PSD3: variants seen among roughly 807,000 people sequenced by gnomAD.
PSD3 encodes PH and SEC7 domain-containing protein 3.
A neutral mutation model predicts 105.5 loss-of-function variants in PSD3; 49 were observed. The ratio of observed to expected loss-of-function variants is 0.46; its 90% CI spans 0.37 to 0.59. The LOEUF (loss-of-function observed/expected upper bound fraction) is 0.59, where lower values mean the gene tolerates loss of function less well. PSD3 is among the 20% of genes least tolerant of loss of function. The probability of loss-of-function intolerance (pLI) is 0.00; values close to 1 mark genes in which losing one functional copy is unlikely to be tolerated. For missense variants in PSD3, 1,561 were observed against 1,263.8 expected, an observed-to-expected ratio of 1.24 and a Z score of -3.57; for synonymous variants, 557 against 457.8, an observed-to-expected ratio of 1.22 and a Z score of -2.77.
intron 2 of PSD3, among the ~76,000 whole-genome samples, chr8:18,916,183 T>C (rs569401526): frequency 1.9e-4 from 29 of 151,636 alleles, no homozygotes; most frequent in African/African-American, 6.3e-4. Context: ...GAAATGAAGT[T>C]AGCATGTCAA....
chr8:18,835,425 T>C (rs1208429141), intron 4 of PSD3, among the ~76,000 whole-genome samples: 2 of 152,238 alleles, frequency 1.3e-5, no homozygotes, highest in Admixed American at 6.5e-5. Flanking sequence ...GTCTTCCAAC[T>C]AGTATTTATT....
At chr8:19,062,487 T>C (rs1318266564) in intron 1 of PSD3, among the ~76,000 whole-genome samples, 2 of 152,050 alleles carry the variant, frequency 1.3e-5, no homozygotes, top group East Asian at 1.9e-4. Context: ...GACCACTGTT[T>C]CCCCAGTTAA....
intron 2 of PSD3, among the ~76,000 whole-genome samples, chr8:18,895,774 C>G (rs76385996): frequency 2.8e-3 from 428 of 152,262 alleles, no homozygotes; most frequent in African/African-American, 9.9e-3. Context: ...TATCTAACAC[C>G]TTAAACATTT....
At chr8:19,067,979 G>C (rs1475043881) in intron 1 of PSD3, among the ~76,000 whole-genome samples, 1 of 152,164 alleles carries the variant, frequency 6.6e-6, no homozygotes, top group African/African-American at 2.4e-5. Flanking sequence ...AGGCACATGG[G>C]AAGTGATTTC....
At chr8:18,692,350 G>C (rs78533752) in intron 9 of PSD3, among the ~76,000 whole-genome samples, 1 of 152,136 alleles carries the variant, frequency 6.6e-6, no homozygotes, top group East Asian at 1.9e-4. Flanking sequence ...AGAATCACAA[G>C]GTACTGCAGC....
chr8:18,678,328 T>C (rs909094371), intron 9 of PSD3, among the ~76,000 whole-genome samples: 1 of 152,216 alleles, frequency 6.6e-6, no homozygotes, highest in Non-Finnish European at 1.5e-5. Flanking sequence ...TCTGGCATTT[T>C]AAATTTTTAC....
chr8:18,623,517 G>A (rs1806273374), intron 11 of PSD3, among the ~76,000 whole-genome samples: 1 of 148,622 alleles, frequency 6.7e-6, no homozygotes, highest in Non-Finnish European at 1.5e-5. Context: ...GTATATGCCT[G>A]TAGTCCCAGC....
intron 9 of PSD3, among the ~76,000 whole-genome samples, chr8:18,718,145 G>A (rs755097458): frequency 2.6e-5 from 4 of 152,146 alleles, no homozygotes; most frequent in Non-Finnish European, 5.9e-5. Flanking sequence ...TGGAGCAGCT[G>A]CCACACCCCT....
At chr8:18,641,899 T>C (rs1052996029) in intron 10 of PSD3, among the ~76,000 whole-genome samples, 39 of 152,150 alleles carry the variant, frequency 2.6e-4, no homozygotes, top group Admixed American at 2.0e-3. Flanking sequence ...TCTTTGTCAC[T>C]TACCAAAAAT....
intron 9 of PSD3, among the ~76,000 whole-genome samples, chr8:18,680,355 G>T (rs1438877343): frequency 6.6e-6 from 1 of 152,124 alleles, no homozygotes; most frequent in Non-Finnish European, 1.5e-5. Flanking sequence ...TTCTAAATTA[G>T]AAATCAATTA....
chr8:19,030,196 C>T (rs334196), intron 1 of PSD3, among the ~76,000 whole-genome samples: 150,347 of 152,336 alleles, frequency 0.99, 74,226 homozygotes, highest in Middle Eastern at 1. Flanking sequence ...TTGAATTTTG[C>T]CAAATCCTGT....
intron 2 of PSD3, among the ~76,000 whole-genome samples, chr8:18,905,145 T>C (rs2129462029): frequency 6.6e-6 from 1 of 152,292 alleles, no homozygotes; most frequent in East Asian, 1.9e-4. Context: ...CTGTTAACCA[T>C]TACAAAAAGC....
intron 11 of PSD3, among the ~76,000 whole-genome samples, chr8:18,623,495 C>T (rs1806270797): frequency 7.0e-6 from 1 of 143,658 alleles, no homozygotes; most frequent in South Asian, 2.3e-4. Context: ...AAAAAATTAG[C>T]TGGGCATGGT....
intron 2 of PSD3, among the ~76,000 whole-genome samples, chr8:18,895,892 G>C (rs145081972): frequency 2.9e-4 from 44 of 152,248 alleles, no homozygotes; most frequent in Admixed American, 7.2e-4. Flanking sequence ...TAGAATACTA[G>C]AACTTATTCA....
intron 9 of PSD3, among the ~76,000 whole-genome samples, chr8:18,762,224 G>A (rs1194479971): frequency 6.6e-6 from 1 of 152,130 alleles, no homozygotes; most frequent in African/African-American, 2.4e-5. Flanking sequence ...TGACGAGTGA[G>A]CTCTCCTGAG....
At chr8:18,611,487 A>G (rs1181274329) in intron 11 of PSD3, among the ~76,000 whole-genome samples, 1 of 152,154 alleles carries the variant, frequency 6.6e-6, no homozygotes, top group Non-Finnish European at 1.5e-5. Context: ...GCTTCACCTG[A>G]GTGACCTTGG....
intron 1 of PSD3, among the ~76,000 whole-genome samples, chr8:18,962,164 C>T (rs959016102): frequency 6.6e-6 from 1 of 151,288 alleles, no homozygotes; most frequent in Non-Finnish European, 1.5e-5. Context: ...GAGAATCTCT[C>T]GAATCTGGGA....
intron 8 of PSD3, among the ~76,000 whole-genome samples, chr8:18,771,643 C>A (rs1028342286): frequency 1.3e-5 from 2 of 152,200 alleles, no homozygotes; most frequent in African/African-American, 4.8e-5. Flanking sequence ...TTGAAATCAA[C>A]AGACCATAAA....
chr8:18,528,842 T>C lies in PSD3; in HGVS notation c.*6901A>G, dbSNP rs1799527346. On this transcript the variant is annotated 3_prime_UTR_variant, in exon 16 of 16. Transcript: ENST00000327040. The stretch of plus-strand genomic sequence containing the variant: ...TAGGGTGCTTATTTCTATAACACTA[T>C]TCCTAAGAGCTTAGCTCTCTGCCCT... The C allele has an allele frequency of 6.5e-6, 1 of 152,694 alleles. No individual in the cohort carries two copies. Among genetic ancestry groups the C allele is most frequent in the Non-Finnish European group, 1.5e-5 (1 of 68,042 alleles). The allele number at this position is 152,694 out of a possible 1,614,324, so 9.5% of individuals were successfully genotyped here. A position where few individuals can be genotyped will look rare whatever the true frequency, so the allele number is the denominator to read the frequency against.
Sources: allele counts gnomAD v4.1 joint callset (sites outside exome capture counted in the v4.1 genomes callset), GRCh38; gene constraint gnomAD v4.1.1; transcripts MANE v1.5; gene names NCBI Gene and HGNC (gene_info 2026-07-23, HGNC 2026-07-21).